The following FRMD5 variants were observed in gnomAD, a reference collection of about 807,000 sequenced individuals.
FRMD5 encodes the protein FERM domain-containing protein 5.
FRMD5 carries 20 observed loss-of-function variants against 69.0 expected under a neutral mutation model. The observed-to-expected ratio is 0.29, with a 90% CI of 0.20 to 0.42. The LOEUF is 0.42. FRMD5 is among the 10% of genes least tolerant of loss of function. The pLI is 1.00. For synonymous variants in FRMD5, 271 were observed against 260.1 expected (o/e 1.04, Z -0.40); for missense variants, 595 against 708.6 (o/e 0.84, Z 1.82).
intron 1 of FRMD5, among the ~76,000 whole-genome samples, chr15:43,987,139 G>A (rs1240420060): frequency 6.6e-6 from 1 of 152,162 alleles, no homozygotes; most frequent in Non-Finnish European, 1.5e-5. Flanking sequence ...ACCACAATAT[G>A]AGGAAATTAA....
At chr15:44,020,295 C>G (rs1251706995) in intron 1 of FRMD5, among the ~76,000 whole-genome samples, 1 of 152,102 alleles carries the variant, frequency 6.6e-6, no homozygotes, top group Non-Finnish European at 1.5e-5. Context: ...TTTGTTATCA[C>G]GTTTGCTCTT....
intron 1 of FRMD5, among the ~76,000 whole-genome samples, chr15:44,025,660 A>C (rs1891399858): frequency 6.6e-6 from 1 of 152,194 alleles, no homozygotes; most frequent in Non-Finnish European, 1.5e-5. Flanking sequence ...AAAATTTGGT[A>C]CAGTAGGATC....
At chr15:44,131,925 T>C (rs1009976616) in intron 1 of FRMD5, among the ~76,000 whole-genome samples, 1 of 152,228 alleles carries the variant, frequency 6.6e-6, no homozygotes, top group African/African-American at 2.4e-5. Flanking sequence ...TTTACATTTA[T>C]TGTGCACTTT....
At chr15:44,191,347 G>C (rs1466053574) in intron 1 of FRMD5, among the ~76,000 whole-genome samples, 1 of 152,126 alleles carries the variant, frequency 6.6e-6, no homozygotes, top group Non-Finnish European at 1.5e-5. Flanking sequence ...CCAGCACTTT[G>C]GGAGGCGAGG....
chr15:43,906,786 A>G lies in FRMD5; in HGVS notation c.428-835T>C, dbSNP rs974641287. On this transcript the variant is annotated intron_variant, in intron 5 of 13. Transcript: ENST00000417257. ...CCGGCTGATTTTTTGTATTTTTAGTAGAGACGGGGTTTCACCGTGTTAGCC... is the reference window on the plus strand; with the variant it reads ...CCGGCTGATTTTTTGTATTTTTAGTGGAGACGGGGTTTCACCGTGTTAGCC... Among the ~76,000 whole-genome samples the G allele has an allele frequency of 1.4e-5, 2 of 138,800 alleles. 1 individual carries two copies. The highest frequency in any genetic ancestry group is 3.0e-5 in the Non-Finnish European group (2 of 67,686). The allele number at this position is 138,800 out of a possible 152,430, so 91.1% of individuals were successfully genotyped here.
intron 1 of FRMD5, among the ~76,000 whole-genome samples, chr15:43,983,747 A>G (rs527249044): frequency 1.3e-5 from 2 of 152,198 alleles, no homozygotes; most frequent in South Asian, 2.1e-4. Context: ...TGGAATCAGA[A>G]TTGAAGCAGG....
chr15:44,023,895 C>G (rs1891320501), intron 1 of FRMD5, among the ~76,000 whole-genome samples: 1 of 152,010 alleles, frequency 6.6e-6, no homozygotes, highest in African/African-American at 2.4e-5. Flanking sequence ...AGAAGATAAC[C>G]TTTCTTTACC....
At chr15:44,124,741 T>C (rs997676378) in intron 1 of FRMD5, among the ~76,000 whole-genome samples, 28 of 152,128 alleles carry the variant, frequency 1.8e-4, no homozygotes, top group African/African-American at 6.5e-4. Context: ...TTCTTAGACA[T>C]GCTATTTAAA....
chr15:44,142,672 G>C (rs901374806), intron 1 of FRMD5, among the ~76,000 whole-genome samples: 1 of 152,200 alleles, frequency 6.6e-6, no homozygotes, highest in South Asian at 2.1e-4. Flanking sequence ...GGGTGGAGAG[G>C]AATATGGGGA....
chr15:44,050,676 C>T (rs8041650), intron 1 of FRMD5, among the ~76,000 whole-genome samples: 31 of 147,126 alleles, frequency 2.1e-4, no homozygotes, highest in East Asian at 4.0e-4. Context: ...TTTCTTTTTT[C>T]AGACAGAGTC....
intron 1 of FRMD5, among the ~76,000 whole-genome samples, chr15:44,032,260 C>T (rs1239996664): frequency 6.6e-6 from 1 of 152,116 alleles, no homozygotes. Context: ...TGGAAGACAA[C>T]CTAGGCAATA....
intron 1 of FRMD5, among the ~76,000 whole-genome samples, chr15:43,927,279 T>C (rs1003962572): frequency 3.3e-5 from 5 of 152,156 alleles, no homozygotes; most frequent in Non-Finnish European, 7.4e-5. Flanking sequence ...TTTGGGGACC[T>C]CCCCCAGCCC....
intron 1 of FRMD5, among the ~76,000 whole-genome samples, chr15:43,979,887 A>G (rs2090521877): frequency 6.6e-6 from 1 of 152,248 alleles, no homozygotes; most frequent in Non-Finnish European, 1.5e-5. Flanking sequence ...AAGAAGCAAC[A>G]TAGAAGTCGG....
intron 1 of FRMD5, 125 bp downstream of exon 1, chr15:44,194,828 A>T: frequency 1.2e-6 from 1 of 854,336 alleles, no homozygotes; most frequent in Non-Finnish European, 1.9e-6. Flanking sequence ...CGCCGCAACC[A>T]GGAACGGACA....
chr15:44,040,666 C>CA (rs1392755306), intron 1 of FRMD5, among the ~76,000 whole-genome samples: 1 of 152,022 alleles, frequency 6.6e-6, no homozygotes, highest in Non-Finnish European at 1.5e-5. Flanking sequence ...CTGTAGGAAA[C>CA]ACTAAACATG....
chr15:43,928,031 A>C (rs542032002), intron 1 of FRMD5, among the ~76,000 whole-genome samples: 2 of 152,308 alleles, frequency 1.3e-5, no homozygotes, highest in East Asian at 3.9e-4. Context: ...ACTTCACAGG[A>C]AGAAAAAGGA....
At chr15:44,134,890 T>G (rs145528029) in intron 1 of FRMD5, among the ~76,000 whole-genome samples, 105 of 152,226 alleles carry the variant, frequency 6.9e-4, no homozygotes, top group African/African-American at 2.5e-3. Context: ...AGGCCCTGAG[T>G]TGGCAAGATG....
intron 4 of FRMD5, among the ~76,000 whole-genome samples, chr15:43,911,713 CT>C (rs1434399556): frequency 6.6e-6 from 1 of 152,182 alleles, no homozygotes; most frequent in Admixed American, 6.5e-5. Context: ...AGTAAAATTC[CT>C]TTAAATTCGA....
chr15:44,116,604 G>C (rs1595481902), intron 1 of FRMD5, among the ~76,000 whole-genome samples: 2 of 152,034 alleles, frequency 1.3e-5, no homozygotes, highest in Non-Finnish European at 2.9e-5. Context: ...CAAGGAACCG[G>C]TTGTCTGCAA....
Sources: allele counts gnomAD v4.1 joint callset (sites outside exome capture counted in the v4.1 genomes callset), GRCh38; gene constraint gnomAD v4.1.1; transcripts MANE v1.5; gene names NCBI Gene and HGNC (gene_info 2026-07-23, HGNC 2026-07-21).